The following FRMPD4 variants were observed in gnomAD, a reference collection of about 807,000 sequenced individuals.
The protein encoded by FRMPD4 is FERM and PDZ domain-containing protein 4.
Under a neutral mutation model 94.1 loss-of-function variants are expected in FRMPD4, and 22 were observed. The observed-to-expected ratio is 0.23, with a 90% CI of 0.17 to 0.33. FRMPD4 has a LOEUF of 0.33. Among genes scored for constraint, FRMPD4 ranks in the 10% least tolerant of loss-of-function variants. FRMPD4 has a pLI of 1.00. For synonymous variants in FRMPD4, 631 were observed against 548.6 expected, an observed-to-expected ratio of 1.15 and a Z score of -2.10; for missense variants, 1,111 against 1,339.9, an observed-to-expected ratio of 0.83 and a Z score of 2.67.
chrX:12,357,849 C>T (rs1463547752), intron 1 of FRMPD4, among the ~76,000 whole-genome samples: 1 of 111,938 alleles, frequency 8.9e-6, no homozygotes, highest in East Asian at 2.8e-4. Context: ...GCAAGCATCA[C>T]CATAATCACA....
chrX:12,583,535 C>A, intron 2 of FRMPD4: 2 of 1,015,724 alleles, frequency 2.0e-6, no homozygotes, highest in South Asian at 2.0e-5. Flanking sequence ...ATATTATGAT[C>A]CTCATAACCA....
intron 1 of FRMPD4, among the ~76,000 whole-genome samples, chrX:11,849,678 G>GTTTT (rs200493437): frequency 1.5e-4 from 15 of 98,225 alleles, no homozygotes; most frequent in African/African-American, 5.5e-4. Flanking sequence ...GAAAGGACAG[G>GTTTT]TTTTTTTTTT....
chrX:12,537,595 T>C (rs746943148), intron 2 of FRMPD4, among the ~76,000 whole-genome samples: 1 of 106,743 alleles, frequency 9.4e-6, no homozygotes, highest in African/African-American at 3.4e-5. Flanking sequence ...TGGGACTACA[T>C]GTGCATGCCA....
rs1342208392 is a variant in FRMPD4 at position 12,722,198 on chromosome X, G to A, written c.*340G>A. On this transcript the variant is annotated 3_prime_UTR_variant, in exon 17 of 17. Coordinates refer to ENST00000675598, the MANE Select transcript of FRMPD4 (RefSeq NM_001368397.1). ...ATCCTATCCCCTTTCTTTCCAAGTA[G>A]CTACTTGGAAACCATATCATTCATA... The A allele has an allele frequency of 9.1e-6, 1 of 110,392 alleles. No individual in the cohort carries two copies. The highest frequency in any genetic ancestry group is 1.9e-5 in the Non-Finnish European group (1 of 52,842). The allele number at this position is 110,392 out of a possible 1,213,427, so 9.1% of individuals were successfully genotyped here. A position where few individuals can be genotyped will look rare whatever the true frequency, so the allele number is the denominator to read the frequency against.
intron 3 of FRMPD4, among the ~76,000 whole-genome samples, chrX:12,051,279 A>C (rs1012309683): frequency 8.9e-6 from 1 of 111,806 alleles, no homozygotes. Context: ...TGATGAGTAC[A>C]TAAGTATTTT....
At chrX:12,148,814 C>T (rs899631523) in intron 1 of FRMPD4, among the ~76,000 whole-genome samples, 2 of 111,829 alleles carry the variant, frequency 1.8e-5, no homozygotes, top group Non-Finnish European at 3.8e-5. Flanking sequence ...CTTCTAGAGC[C>T]CTTAAGAATT....
chrX:12,452,071 C>T (rs2057279308), intron 1 of FRMPD4, among the ~76,000 whole-genome samples: 1 of 110,315 alleles, frequency 9.1e-6, no homozygotes, highest in African/African-American at 3.3e-5. Context: ...CCTCTGTTTA[C>T]AGGGATAATA....
At chrX:12,068,566 C>G (rs1288052291) in intron 3 of FRMPD4, among the ~76,000 whole-genome samples, 1 of 111,780 alleles carries the variant, frequency 8.9e-6, no homozygotes, top group Non-Finnish European at 1.9e-5. Context: ...CCTCTGCTTT[C>G]CCACTGCTGA....
At chrX:12,307,562 A>C (rs1475552500) in intron 1 of FRMPD4, among the ~76,000 whole-genome samples, 1 of 111,666 alleles carries the variant, frequency 9.0e-6, no homozygotes, top group Non-Finnish European at 1.9e-5. Context: ...TCATCATAGT[A>C]GTGGTTGCCT....
chrX:12,310,627 G>A (rs771347114), intron 1 of FRMPD4, among the ~76,000 whole-genome samples: 5 of 112,069 alleles, frequency 4.5e-5, no homozygotes, highest in Non-Finnish European at 7.5e-5. Flanking sequence ...GTATTCATAT[G>A]GAGCAAAAAA....
intron 1 of FRMPD4, among the ~76,000 whole-genome samples, chrX:12,335,316 C>T (rs995034767): frequency 9.1e-6 from 1 of 110,061 alleles, no homozygotes; most frequent in Non-Finnish European, 1.9e-5. Flanking sequence ...TTTGTTGAGA[C>T]GAGGTCTTGC....
At chrX:12,178,703 A>G in intron 1 of FRMPD4, among the ~76,000 whole-genome samples, 1 of 112,041 alleles carries the variant, frequency 8.9e-6, no homozygotes, top group Non-Finnish European at 1.9e-5. Context: ...CGTGAGAGCT[A>G]GGAGAAGGCA....
At chrX:12,165,532 G>A (rs2056101711) in intron 1 of FRMPD4, among the ~76,000 whole-genome samples, 1 of 111,845 alleles carries the variant, frequency 8.9e-6, no homozygotes, top group Admixed American at 9.5e-5. Context: ...TGGCAATGTA[G>A]GCTCTTTTTT....
intron 1 of FRMPD4, among the ~76,000 whole-genome samples, chrX:12,290,628 C>A: frequency 8.9e-6 from 1 of 112,012 alleles, no homozygotes; most frequent in Non-Finnish European, 1.9e-5. Context: ...TAATGAGAGA[C>A]ACACATGTAT....
intron 3 of FRMPD4, among the ~76,000 whole-genome samples, chrX:12,040,344 G>T (rs1226176312): frequency 9.9e-6 from 1 of 100,676 alleles, no homozygotes; most frequent in Non-Finnish European, 2.0e-5. Flanking sequence ...TTTTTTTCTA[G>T]TGGTAATATA....
chrX:11,953,570 T>C (rs1027341537), intron 3 of FRMPD4, among the ~76,000 whole-genome samples: 1 of 111,350 alleles, frequency 9.0e-6, no homozygotes, highest in African/African-American at 3.3e-5. Context: ...TTGTTGCATA[T>C]GGGGAGAGAA....
intron 3 of FRMPD4, among the ~76,000 whole-genome samples, chrX:11,925,255 A>T (rs980072575): frequency 9.0e-6 from 1 of 111,577 alleles, no homozygotes; most frequent in African/African-American, 3.3e-5. Context: ...GCCCAGATTC[A>T]TAAAGCAAGT....
At chrX:12,637,542 T>C (rs1415773468) in intron 4 of FRMPD4, among the ~76,000 whole-genome samples, 9 of 110,992 alleles carry the variant, frequency 8.1e-5, no homozygotes, top group Non-Finnish European at 1.5e-4. Context: ...ATTAGCCAAG[T>C]GTGATGGTAT....
chrX:12,133,967 G>A (rs857345), upstream of FRMPD4, among the ~76,000 whole-genome samples: 45,180 of 110,823 alleles, frequency 0.41, 7,573 homozygotes, highest in East Asian at 0.82. Flanking sequence ...CTGCAAATTC[G>A]CTCACTCTCA....
Sources: allele counts gnomAD v4.1 joint callset (sites outside exome capture counted in the v4.1 genomes callset), GRCh38; gene constraint gnomAD v4.1.1; transcripts MANE v1.5; gene names NCBI Gene and HGNC (gene_info 2026-07-23, HGNC 2026-07-21).